The following CTNNA2 variants were observed in gnomAD, a reference collection of about 807,000 sequenced individuals.
CTNNA2 encodes catenin alpha 2.
CTNNA2 carries 42 observed loss-of-function variants against 101.0 expected under a neutral mutation model. The ratio of observed to expected loss-of-function variants is 0.42; its 90% CI spans 0.32 to 0.54. CTNNA2 has a LOEUF of 0.54. Among genes scored for constraint, CTNNA2 ranks in the 20% least tolerant of loss-of-function variants. The pLI is 0.14. For synonymous variants in CTNNA2, 450 were observed against 456.4 expected (o/e 0.99, Z 0.18); for missense variants, 871 against 1,223.1 (o/e 0.71, Z 4.29).
intron 7 of CTNNA2, among the ~76,000 whole-genome samples, chr2:80,281,241 C>T (rs186135142): frequency 2.0e-5 from 3 of 152,166 alleles, no homozygotes; most frequent in Non-Finnish European, 4.4e-5. Context: ...AGGCTCAGGC[C>T]AGGGTTATGA....
At position 79,220,891 on chromosome 2, in the gene CTNNA2, A is replaced by T. The variant is rs559232361; in HGVS notation, c.-406+22815A>T. On this transcript the variant is annotated intron_variant, in intron 2 of 21. Coordinates refer to the CTNNA2 transcript ENST00000466387. The stretch of plus-strand genomic sequence containing the variant: ...CTGCACACATTGTTAATCTTTCTCA[A>T]TCGGAAGGGATCATAGATTAGGTGA... Among the ~76,000 whole-genome samples, 5 of 152,274 alleles carry T rather than the reference A, an allele frequency of 3.3e-5. No individual in the cohort carries two copies. The East Asian group carries it at 9.7e-4, about 29-fold the overall frequency.
chr2:79,694,980 C>G (rs1254170064), intron 2 of CTNNA2, among the ~76,000 whole-genome samples: 2 of 144,948 alleles, frequency 1.4e-5, no homozygotes, highest in African/African-American at 5.4e-5. Flanking sequence ...CCTAAAGCGG[C>G]ATCATTTAGT....
intron 7 of CTNNA2, among the ~76,000 whole-genome samples, chr2:79,949,824 G>A (rs2196159): frequency 0.96 from 146,514 of 152,304 alleles, 70,558 homozygotes; most frequent in African/African-American, 0.99. Context: ...ATACTTGATA[G>A]TGCTATTTTG....
chr2:79,513,777 G>GC (rs1168517517), intron 1 of CTNNA2, among the ~76,000 whole-genome samples: 2 of 152,194 alleles, frequency 1.3e-5, no homozygotes, highest in African/African-American at 4.8e-5. Flanking sequence ...GCTGCCAACA[G>GC]CCCCCATACC....
At chr2:80,259,936 T>C (rs1672470747) in intron 7 of CTNNA2, among the ~76,000 whole-genome samples, 1 of 152,208 alleles carries the variant, frequency 6.6e-6, no homozygotes, top group Non-Finnish European at 1.5e-5. Flanking sequence ...TTTTATAATC[T>C]TGGACCACAA....
intron 9 of CTNNA2, among the ~76,000 whole-genome samples, chr2:80,531,302 G>A (rs1446328130): frequency 6.6e-6 from 1 of 152,176 alleles, no homozygotes; most frequent in Non-Finnish European, 1.5e-5. Context: ...GGGCCAATGA[G>A]GACTAGTACC....
At chr2:79,696,278 G>A (rs1351073148) in intron 2 of CTNNA2, among the ~76,000 whole-genome samples, 1 of 152,032 alleles carries the variant, frequency 6.6e-6, no homozygotes, top group African/African-American at 2.4e-5. Context: ...ACCTTTTAAG[G>A]CAAGGAATTC....
chr2:79,293,001 A>G (rs1675865921), intron 2 of CTNNA2: 1 of 152,192 alleles, frequency 6.6e-6, no homozygotes, highest in Non-Finnish European at 1.5e-5. Context: ...ATATGTCACC[A>G]CCTACCTGCT....
chr2:79,226,076 T>G (rs1327078263), intron 2 of CTNNA2, among the ~76,000 whole-genome samples: 1 of 152,148 alleles, frequency 6.6e-6, no homozygotes, highest in East Asian at 1.9e-4. Context: ...TTTTGGACTT[T>G]GAAGCACCCT....
At chr2:80,420,618 T>C (rs960092489) in intron 9 of CTNNA2, among the ~76,000 whole-genome samples, 1 of 152,156 alleles carries the variant, frequency 6.6e-6, no homozygotes, top group Non-Finnish European at 1.5e-5. Flanking sequence ...GTTCTTTAAA[T>C]GTGAAATCCT....
intron 3 of CTNNA2, among the ~76,000 whole-genome samples, chr2:79,784,589 T>C (rs1297013720): frequency 1.3e-5 from 2 of 151,612 alleles, no homozygotes; most frequent in Non-Finnish European, 2.9e-5. Context: ...GTTTTCTGTG[T>C]ATCAGTTGTA....
At chr2:79,767,104 T>G (rs1673221506) in intron 3 of CTNNA2, among the ~76,000 whole-genome samples, 1 of 151,954 alleles carries the variant, frequency 6.6e-6, no homozygotes, top group Non-Finnish European at 1.5e-5. Flanking sequence ...AATTCTTTCT[T>G]CTGCTTGATC....
intron 18 of CTNNA2, among the ~76,000 whole-genome samples, chr2:80,641,498 C>G (rs1270974417): frequency 6.6e-6 from 1 of 152,144 alleles, no homozygotes; most frequent in Admixed American, 6.6e-5. Flanking sequence ...CCGGCCTCCA[C>G]AAGTTAACAT....
At chr2:80,168,740 T>C (rs115736447) in intron 7 of CTNNA2, among the ~76,000 whole-genome samples, 1,692 of 152,320 alleles carry the variant, frequency 0.011, 34 homozygotes, top group African/African-American at 0.037. Context: ...TTAAATCAGA[T>C]TGTCTATGGG....
intron 4 of CTNNA2, among the ~76,000 whole-genome samples, chr2:79,393,298 G>T (rs780885022): frequency 2.0e-5 from 3 of 152,184 alleles, no homozygotes; most frequent in African/African-American, 7.2e-5. Context: ...CTGTTAGTAG[G>T]AAAACAGCTT....
At chr2:80,377,522 A>ATG (rs1210455728) in intron 7 of CTNNA2, among the ~76,000 whole-genome samples, 1 of 152,216 alleles carries the variant, frequency 6.6e-6, no homozygotes, top group African/African-American at 2.4e-5. Flanking sequence ...CTGAGATGTA[A>ATG]TGTAAGTCTG....
chr2:79,755,831 T>C (rs898762231), intron 3 of CTNNA2, among the ~76,000 whole-genome samples: 2 of 152,046 alleles, frequency 1.3e-5, no homozygotes, highest in Non-Finnish European at 2.9e-5. Flanking sequence ...TCTCAGAAGG[T>C]TTAACATCAG....
In CTNNA2 at chr2:80,052,437, C is replaced by T. The variant is rs187200530; in HGVS notation, c.1056+142640C>T. On this transcript the variant is annotated intron_variant, in intron 7 of 18. Transcript: ENST00000402739. ...CTACTAATTCAAGCCATATTGCATT[C>T]CTATATCAAATAAGGCAACCCACAT... Among the ~76,000 whole-genome samples the T allele has an allele frequency of 2.8e-3, 427 of 152,288 alleles. 1 individual carries two copies. Among genetic ancestry groups the T allele is most frequent in the Admixed American group, 4.8e-3 (74 of 15,264 alleles).
chr2:80,633,098 T>A (rs1672467999), intron 18 of CTNNA2, among the ~76,000 whole-genome samples: 1 of 152,198 alleles, frequency 6.6e-6, no homozygotes, highest in African/African-American at 2.4e-5. Flanking sequence ...GGGAATAGCA[T>A]GTTTCAGATG....
Sources: allele counts gnomAD v4.1 joint callset (sites outside exome capture counted in the v4.1 genomes callset), GRCh38; gene constraint gnomAD v4.1.1; transcripts MANE v1.5; gene names NCBI Gene and HGNC (gene_info 2026-07-23, HGNC 2026-07-21).